Variants in TTPA observed in about 807,000 individuals in gnomAD.
TTPA encodes the protein alpha tocopherol transfer protein, also known as alpha-tocopherol transfer protein.
A neutral mutation model predicts 25.9 loss-of-function variants in TTPA; 23 were observed. The observed-to-expected ratio is 0.89, with a 90% CI of 0.64 to 1.26. The LOEUF is 1.26. Among genes scored for constraint, TTPA ranks in the 50% most tolerant of loss-of-function variants. The probability of loss-of-function intolerance (pLI) is 0.00; values close to 1 mark genes in which losing one functional copy is unlikely to be tolerated. For synonymous variants in TTPA, 148 were observed against 137.3 expected (o/e 1.08, Z -0.54); for missense variants, 337 against 353.1 (o/e 0.95, Z 0.37).
downstream of TTPA, among the ~76,000 whole-genome samples, chr8:63,058,675 A>C (rs1202775808): frequency 6.6e-6 from 1 of 151,936 alleles, no homozygotes; most frequent in African/African-American, 2.4e-5. Flanking sequence ...TGCCTAGATT[A>C]ACTGACTTAT....
intron 4 of TTPA, 141 bp downstream of exon 4, chr8:63,064,065 G>T: frequency 4.8e-5 from 29 of 605,216 alleles, no homozygotes; most frequent in South Asian, 1.3e-4. Flanking sequence ...TTTTTAGTTG[G>T]CTTGTTAGAT....
chr8:63,074,902 T>A (rs772252777), intron 1 of TTPA, among the ~76,000 whole-genome samples: 1 of 152,168 alleles, frequency 6.6e-6, no homozygotes, highest in Non-Finnish European at 1.5e-5. Context: ...ACCCAGGAGA[T>A]AACAACACGT....
intron 1 of TTPA, among the ~76,000 whole-genome samples, chr8:63,085,327 A>C (rs1327756591): frequency 6.6e-6 from 1 of 152,200 alleles, no homozygotes; most frequent in Admixed American, 6.5e-5. Flanking sequence ...AAGTGTTACT[A>C]GTAATAATAC....
chr8:63,076,637 G>A, intron 1 of TTPA, among the ~76,000 whole-genome samples: 1 of 152,134 alleles, frequency 6.6e-6, no homozygotes, highest in Middle Eastern at 3.4e-3. Flanking sequence ...GAGGCTGATG[G>A]TCAATTTTAT....
At chr8:63,074,399 G>C (rs2129766597) in intron 1 of TTPA, among the ~76,000 whole-genome samples, 1 of 152,242 alleles carries the variant, frequency 6.6e-6, no homozygotes, top group South Asian at 2.1e-4. Flanking sequence ...TTCTCTCTCT[G>C]TCTGTCTCCC....
At chr8:63,081,050 T>G (rs1389650451) in intron 1 of TTPA, among the ~76,000 whole-genome samples, 1 of 151,374 alleles carries the variant, frequency 6.6e-6, no homozygotes, top group African/African-American at 2.4e-5. Context: ...ACAGACAAAT[T>G]CTAACAGAGG....
chr8:63,059,020 G>GTTTTTTTTTTTTGTTTT (rs1805248010), downstream of TTPA, among the ~76,000 whole-genome samples: 1 of 67,144 alleles, frequency 1.5e-5, no homozygotes, highest in African/African-American at 6.0e-5. Context: ...GCAGGGTCCA[G>GTTTTTTTTTTTTGTTTT]TTTTTTTTTT....
intron 2 of TTPA, among the ~76,000 whole-genome samples, 197 bp downstream of exon 2, chr8:63,072,738 G>A (rs1350720746): frequency 6.6e-6 from 1 of 151,938 alleles, no homozygotes; most frequent in Non-Finnish European, 1.5e-5. Flanking sequence ...TTATATTTGG[G>A]GGACATTAAG....
intron 2 of TTPA, among the ~76,000 whole-genome samples, chr8:63,067,025 G>T (rs1327144210): frequency 6.6e-6 from 1 of 151,824 alleles, no homozygotes; most frequent in East Asian, 1.9e-4. Flanking sequence ...AGTCTAATCG[G>T]GGCAACATAG....
Position 63,084,610 on chromosome 8 carries a change from A to G in TTPA, c.204+1208T>C, listed in dbSNP as rs562261644. Among the ~76,000 whole-genome samples, 17 of 152,348 alleles carry G rather than the reference A, an allele frequency of 1.1e-4. No homozygotes were observed. In the South Asian group the frequency reaches 3.5e-3, roughly 32 times the overall value. On this transcript the variant is annotated intron_variant, in intron 1 of 4. Coordinates refer to ENST00000260116, the MANE Select transcript of TTPA (RefSeq NM_000370.3). ...GTAAGAAAGGCAAAATAGAAATCAC[A>G]CACAAACATGCTTGTGCAACCTCTG...
chr8:63,084,941 A>G (rs1352223069), intron 1 of TTPA, among the ~76,000 whole-genome samples: 2 of 152,320 alleles, frequency 1.3e-5, no homozygotes, highest in Admixed American at 6.5e-5. Flanking sequence ...GACACACTGG[A>G]ATTTTGTACT....
At chr8:63,077,382 G>C (rs977019595) in intron 1 of TTPA, among the ~76,000 whole-genome samples, 9 of 152,210 alleles carry the variant, frequency 5.9e-5, no homozygotes, top group African/African-American at 1.9e-4. Flanking sequence ...AAGTGCAAAG[G>C]GTTGGGGGAT....
rs1246071482 is a variant in TTPA, at chr8:63,072,926, A to G, written c.358+9T>C. 5.6e-6 allele frequency: 9 copies of G among 1,614,038 alleles called. No homozygotes were observed. The East Asian group carries it at 2.0e-4, about 36-fold the overall frequency. On this transcript the variant is annotated intron_variant, in intron 2 of 4. Coordinates refer to ENST00000260116, the MANE Select transcript of TTPA (RefSeq NM_000370.3). ...GAGGAGAAAAAAAAAAGAGTTGTGT[A>G]TGACTTACCGATTCTGTAAATAAGA...
At position 63,071,916 on chromosome 8, in the gene TTPA, T is replaced by C. The variant is rs555488357; in HGVS notation, c.358+1019A>G. On this transcript the variant is annotated intron_variant, in intron 2 of 4. Coordinates refer to ENST00000260116, the MANE Select transcript of TTPA (RefSeq NM_000370.3). ...CCCAGTCTACGTCATTTTGTTATAG[T>C]GGCCTGAATACACTAAGACACCAAC... is the stretch of plus-strand genomic sequence containing the variant. Among the ~76,000 whole-genome samples, 3 of 152,244 alleles carry C rather than the reference T, an allele frequency of 2.0e-5. No individual in the cohort carries two copies. In the South Asian group the frequency reaches 6.2e-4, roughly 32 times the overall value.
At chr8:63,063,460 G>A (rs77102945) in intron 4 of TTPA, among the ~76,000 whole-genome samples, 12,118 of 152,072 alleles carry the variant, frequency 0.08, 922 homozygotes, top group East Asian at 0.42. Context: ...CACTGAAACC[G>A]TTAAGTAGGC....
intron 4 of TTPA, among the ~76,000 whole-genome samples, chr8:63,063,151 A>G (rs1008868909): frequency 5.3e-5 from 8 of 152,210 alleles, no homozygotes; most frequent in Non-Finnish European, 8.8e-5. Flanking sequence ...CATTTCAGTG[A>G]TTTTTTAGAT....
At chr8:63,069,767 G>A (rs878987026) in intron 2 of TTPA, among the ~76,000 whole-genome samples, 1 of 151,442 alleles carries the variant, frequency 6.6e-6, no homozygotes, top group Non-Finnish European at 1.5e-5. Context: ...TTTCTTAGTT[G>A]CAGTAGTCAC....
Position 63,065,939 on chromosome 8 carries a change from G to A in TTPA, c.517C>T (p.Pro173Ser), listed in dbSNP as rs776942277. The A allele has an allele frequency of 6.2e-7, 1 of 1,614,062 alleles. No homozygotes were observed. Among genetic ancestry groups the A allele is most frequent in the Admixed American group, 1.7e-5 (1 of 60,002 alleles). The change falls in exon 3 of 5, where the codon CCA becomes TCA. Residue 173 changes from proline (P) to serine (S), a missense_variant. By Grantham distance (74) the Pro-to-Ser change is moderately conservative. Transcript: ENST00000260116. ...WQFSHAFQIT[P>S]SVAKKIAAVL... ...GCAGCAATCTTCTTGGCTACGGATG[G>A]AGTGATTTGAAAAGCATGAGAAAAC...
rs76068814 is a variant in TTPA, at chr8:63,068,625, G to A, written c.359-2528C>T. 3.2e-3 allele frequency among the ~76,000 whole-genome samples: 487 copies of A among 152,058 alleles called. 15 individuals are homozygous for A. The East Asian group carries it at 0.086, about 27-fold the overall frequency. ...GGGGAGATAGATGTAATGAAGGAGGGAGAGTTTTGTGGAACGAATGAGGAG... is the reference window on the plus strand; with the variant it reads ...GGGGAGATAGATGTAATGAAGGAGGAAGAGTTTTGTGGAACGAATGAGGAG... On this transcript the variant is annotated intron_variant, in intron 2 of 4. Coordinates refer to ENST00000260116, the MANE Select transcript of TTPA (RefSeq NM_000370.3).
Sources: allele counts gnomAD v4.1 joint callset (sites outside exome capture counted in the v4.1 genomes callset), GRCh38; gene constraint gnomAD v4.1.1; transcripts MANE v1.5; gene names NCBI Gene and HGNC (gene_info 2026-07-23, HGNC 2026-07-21).